FGGY: variants seen among roughly 807,000 people sequenced by gnomAD.
FGGY encodes the protein FGGY carbohydrate kinase domain containing.
Under a neutral mutation model 71.3 loss-of-function variants are expected in FGGY, and 72 were observed. The ratio of observed to expected loss-of-function variants is 1.01; its 90% confidence interval spans 0.84 to 1.23. The LOEUF is 1.23. FGGY is among the 50% of genes most tolerant of loss of function. FGGY has a pLI of 0.00. For synonymous variants in FGGY, 251 were observed against 250.3 expected, an observed-to-expected ratio of 1.00 and a Z score of -0.02; for missense variants, 668 against 682.3, an observed-to-expected ratio of 0.98 and a Z score of 0.23.
intron 5 of FGGY, among the ~76,000 whole-genome samples, chr1:59,408,204 A>C (rs2063050863): frequency 6.6e-6 from 1 of 152,222 alleles, no homozygotes; most frequent in African/African-American, 2.4e-5. Context: ...TGCTGGAAAA[A>C]TGGGACATTG....
intron 6 of FGGY, among the ~76,000 whole-genome samples, chr1:59,472,148 C>T (rs531838786): frequency 2.6e-5 from 4 of 152,192 alleles, no homozygotes; most frequent in Admixed American, 1.3e-4. Context: ...GGGCGGGAAC[C>T]GGGGCTGCGC....
chr1:59,540,715 C>T (rs1281601618), intron 7 of FGGY, among the ~76,000 whole-genome samples: 1 of 152,158 alleles, frequency 6.6e-6, no homozygotes, highest in Non-Finnish European at 1.5e-5. Flanking sequence ...TCTGGGCCGC[C>T]CTGTGCTAGG....
At chr1:59,312,368 CTCTT>C (rs1454681326) in intron 1 of FGGY, among the ~76,000 whole-genome samples, 1 of 152,148 alleles carries the variant, frequency 6.6e-6, no homozygotes, top group Non-Finnish European at 1.5e-5. Flanking sequence ...AGGATATTGA[CTCTT>C]TCAACATTTC....
intron 7 of FGGY, among the ~76,000 whole-genome samples, chr1:59,519,470 A>C (rs1027739150): frequency 6.6e-6 from 1 of 152,180 alleles, no homozygotes; most frequent in African/African-American, 2.4e-5. Flanking sequence ...TTGAGACTTA[A>C]ACAATTATTA....
chr1:59,489,654 T>C (rs1474701693), intron 6 of FGGY, among the ~76,000 whole-genome samples: 1 of 152,196 alleles, frequency 6.6e-6, no homozygotes, highest in Non-Finnish European at 1.5e-5. Context: ...ATCTTGGCTA[T>C]TGTGAACAGT....
intron 14 of FGGY, among the ~76,000 whole-genome samples, chr1:59,735,228 G>A (rs1173242882): frequency 6.6e-6 from 1 of 152,076 alleles, no homozygotes; most frequent in Non-Finnish European, 1.5e-5. Context: ...ACATGTCTTG[G>A]CCCCCTTGAG....
At chr1:59,626,286 ACT>A (rs1165508797) in intron 10 of FGGY, 1 of 406,750 alleles carries the variant, frequency 2.5e-6, no homozygotes, top group African/African-American at 2.0e-5. Flanking sequence ...TAGATAAGAA[ACT>A]CTGATGTAGA....
In FGGY at chr1:59,670,798, G is replaced by A. The variant is rs140117418; in HGVS notation, c.1418-3241G>A. On this transcript the variant is annotated intron_variant, in intron 13 of 15. Transcript: ENST00000303721. ...CCTGCTCTGTACAAGCAGGGAGAGCGGGGCCTTGCCAGCTTGGGAAATGCT... is the reference window on the plus strand; with the variant it reads ...CCTGCTCTGTACAAGCAGGGAGAGCAGGGCCTTGCCAGCTTGGGAAATGCT... Among the ~76,000 whole-genome samples, 246 of 152,268 alleles carry A rather than the reference G, an allele frequency of 1.6e-3. 1 individual carries two copies. The highest frequency in any genetic ancestry group is 4.5e-3 in the African/African-American group (187 of 41,552).
intron 9 of FGGY, among the ~76,000 whole-genome samples, chr1:59,625,377 T>C (rs1378062134): frequency 6.6e-6 from 1 of 152,170 alleles, no homozygotes; most frequent in East Asian, 1.9e-4. Flanking sequence ...GCTCAGACAT[T>C]TCTGTCCTTG....
intron 4 of FGGY, among the ~76,000 whole-genome samples, chr1:59,364,089 AAAG>A (rs1314274112): frequency 1.3e-5 from 2 of 152,308 alleles, no homozygotes; most frequent in Non-Finnish European, 2.9e-5. Flanking sequence ...ATTTGGGAAG[AAAG>A]AAGAAGGGAC....
At chr1:59,534,383 T>C (rs2095253915) in intron 7 of FGGY, among the ~76,000 whole-genome samples, 1 of 152,010 alleles carries the variant, frequency 6.6e-6, no homozygotes, top group Non-Finnish European at 1.5e-5. Flanking sequence ...ACGGGGAGAA[T>C]GGAACCAAGT....
At chr1:59,543,994 C>T (rs2095484712) in intron 7 of FGGY, among the ~76,000 whole-genome samples, 1 of 152,234 alleles carries the variant, frequency 6.6e-6, no homozygotes, top group South Asian at 2.1e-4. Context: ...GTACAAGGCT[C>T]TTGCCTTATA....
At chr1:59,324,891 C>A (rs1198360178) in intron 2 of FGGY, among the ~76,000 whole-genome samples, 2 of 152,162 alleles carry the variant, frequency 1.3e-5, no homozygotes, top group African/African-American at 4.8e-5. Context: ...AGTGTGTGCC[C>A]CCTCAGCAGG....
intron 7 of FGGY, among the ~76,000 whole-genome samples, chr1:59,535,724 GA>G (rs1250659276): frequency 6.8e-6 from 1 of 147,984 alleles, no homozygotes; most frequent in Non-Finnish European, 1.5e-5. Flanking sequence ...ACCTGCTCCT[GA>G]ATGACTACTG....
At chr1:59,427,218 G>A (rs1192480077) in intron 5 of FGGY, among the ~76,000 whole-genome samples, 1 of 152,226 alleles carries the variant, frequency 6.6e-6, no homozygotes, top group African/African-American at 2.4e-5. Flanking sequence ...AGGCACCCAG[G>A]ACGGAGGTGA....
chr1:59,673,438 G>A (rs1256186559), intron 13 of FGGY, among the ~76,000 whole-genome samples: 1 of 152,188 alleles, frequency 6.6e-6, no homozygotes, highest in Non-Finnish European at 1.5e-5. Flanking sequence ...AAGGAGAAGA[G>A]GAGGATATCA....
chr1:59,633,311 A>G (rs2096926008), intron 10 of FGGY, among the ~76,000 whole-genome samples: 1 of 152,150 alleles, frequency 6.6e-6, no homozygotes. Flanking sequence ...CGCCCGACCT[A>G]TTATACGTTT....
chr1:59,449,427 G>A (rs374386732), intron 5 of FGGY, among the ~76,000 whole-genome samples: 6 of 151,972 alleles, frequency 3.9e-5, no homozygotes, highest in East Asian at 1.9e-4. Context: ...GATTACAGGC[G>A]CACACCACCA....
At chr1:59,395,749 A>G (rs1342221483) in intron 5 of FGGY, among the ~76,000 whole-genome samples, 1 of 152,198 alleles carries the variant, frequency 6.6e-6, no homozygotes, top group Admixed American at 6.5e-5. Flanking sequence ...CTACAGATAA[A>G]GAAACAGACT....
Sources: gnomAD v4.1 joint callset for allele counts (sites outside exome capture counted in the v4.1 genomes callset) on GRCh38, gnomAD v4.1.1 for gene constraint, MANE v1.5 for transcripts, NCBI Gene and HGNC (gene_info 2026-07-23, HGNC 2026-07-21) for gene names.